Variants in RIMKLB observed in about 807,000 individuals in gnomAD.
RIMKLB encodes ribosomal modification protein rimK like family member B.
In RIMKLB, 7 loss-of-function variants were observed where a neutral mutation model predicts 32.0. That is an observed-to-expected ratio of 0.22 (90% CI 0.12 to 0.41). The LOEUF is 0.41. RIMKLB is among the 10% of genes least tolerant of loss of function. The pLI is 1.00. For synonymous variants in RIMKLB, 172 were observed against 185.1 expected (o/e 0.93, Z 0.57); for missense variants, 289 against 498.7 (o/e 0.58, Z 4.00).
the RIMKLB span, among the ~76,000 whole-genome samples, chr12:8,676,382 C>CTT: frequency 0.023 from 848 of 37,394 alleles, 133 homozygotes; most frequent in Non-Finnish European, 0.027. Flanking sequence ...CCCCCAACAG[C>CTT]TTTTTTTTTT....
intron 1 of RIMKLB, among the ~76,000 whole-genome samples, chr12:8,709,488 A>G (rs894229130): frequency 3.3e-5 from 5 of 152,254 alleles, no homozygotes; most frequent in African/African-American, 7.2e-5. Flanking sequence ...TGGAGCCTCT[A>G]CCTTTGGGAT....
intron 2 of RIMKLB, among the ~76,000 whole-genome samples, chr12:8,718,814 T>C (rs1945152477): frequency 6.6e-6 from 1 of 152,110 alleles, no homozygotes; most frequent in Non-Finnish European, 1.5e-5. Context: ...CTTTGCCCCA[T>C]TTTGAACATC....
At chr12:8,704,629 C>T (rs1170710578) in intron 1 of RIMKLB, among the ~76,000 whole-genome samples, 1 of 152,154 alleles carries the variant, frequency 6.6e-6, no homozygotes, top group East Asian at 1.9e-4. Context: ...CAAATGTTAG[C>T]ACGTCTGTTA....
chr12:8,779,349 CTGT>C (rs986307291), downstream of RIMKLB: 3 of 152,176 alleles, frequency 2.0e-5, no homozygotes, highest in Admixed American at 6.5e-5. Context: ...GTGGGGTGAA[CTGT>C]TGTTGTTTTA....
Position 8,753,950 on chromosome 12 carries a change from G to T in RIMKLB, c.554G>T (p.Arg185Leu). 3 of 1,613,786 alleles carry T rather than the reference G, an allele frequency of 1.9e-6. No homozygotes were observed. The highest frequency in any genetic ancestry group is 2.5e-6 in the Non-Finnish European group (3 of 1,179,818). Residue 185 changes from arginine to leucine, a missense_variant, in exon 5 of 6, where the codon CGC becomes CTC. Transcript: ENST00000535829. ...HHLADLSHLI[R>L]HEAPYLFQKY... ...TTGGCTGATCTAAGCCATCTTATTC[G>T]CCATGAAGCGCCATACCTGTTCCAG...
chr12:8,698,896 A>G (rs1051146804), intron 1 of RIMKLB, among the ~76,000 whole-genome samples: 2 of 151,902 alleles, frequency 1.3e-5, no homozygotes, highest in Non-Finnish European at 2.9e-5. Flanking sequence ...TTGCTTGTCC[A>G]GTTTTGATTC....
At position 8,775,058 on chromosome 12, in the gene RIMKLB, G is replaced by T. The variant is rs931039518; in HGVS notation, c.*1274G>T. ...AGAGGTATTCACCTTAAAACATAGG[G>T]TGAGTAGATGCTTTTTTAGGCCTTT... On this transcript the variant is annotated 3_prime_UTR_variant, in exon 6 of 6. Coordinates refer to ENST00000535829, the MANE Select transcript of RIMKLB (RefSeq NM_001297776.2). 2.0e-6 allele frequency: 2 copies of T among 985,626 alleles called. No individual in the cohort carries two copies. Among genetic ancestry groups the T allele is most frequent in the Admixed American group, 6.2e-5 (1 of 16,252 alleles). The allele number at this position is 985,626 out of a possible 1,614,324, so 61.1% of individuals were successfully genotyped here.
chr12:8,674,919 A>G, the RIMKLB span, among the ~76,000 whole-genome samples: 32 of 143,154 alleles, frequency 2.2e-4, 1 homozygote, highest in Middle Eastern at 3.5e-3. Context: ...GCTGGAGTGC[A>G]ATGGCACGAT....
chr12:8,778,794 G>A (rs1384578239), downstream of RIMKLB, among the ~76,000 whole-genome samples: 1 of 152,168 alleles, frequency 6.6e-6, no homozygotes, highest in Non-Finnish European at 1.5e-5. Flanking sequence ...ATAGACTTCT[G>A]CATAATTTCA....
intron 1 of RIMKLB, among the ~76,000 whole-genome samples, chr12:8,711,390 G>A (rs75270880): frequency 0.021 from 3,165 of 151,988 alleles, 105 homozygotes; most frequent in African/African-American, 0.072. Context: ...CTGAAACCAT[G>A]TCTCAGAAAG....
chr12:8,699,496 T>A (rs1943196368), intron 1 of RIMKLB, among the ~76,000 whole-genome samples: 1 of 152,214 alleles, frequency 6.6e-6, no homozygotes. Flanking sequence ...TCTCAGAGAT[T>A]TAACATTTAT....
At chr12:8,754,199 CG>C in intron 5 of RIMKLB, 106 bp downstream of exon 5, 1 of 789,916 alleles carries the variant, frequency 1.3e-6, no homozygotes, top group Non-Finnish European at 2.1e-6. Context: ...AGTTGAAAAA[CG>C]TATTTCCTTT....
chr12:8,765,052 C>T (rs1033353179), intron 5 of RIMKLB, among the ~76,000 whole-genome samples: 1 of 151,382 alleles, frequency 6.6e-6, no homozygotes, highest in Non-Finnish European at 1.5e-5. Flanking sequence ...GCCTAAGGCA[C>T]ACTTCTGAAG....
At chr12:8,692,124 ACTT>A (rs1274807918) in intron 1 of RIMKLB, among the ~76,000 whole-genome samples, 1 of 151,784 alleles carries the variant, frequency 6.6e-6, no homozygotes, top group African/African-American at 2.4e-5. Flanking sequence ...AGGTTGTTAT[ACTT>A]CTAAGATCCT....
In RIMKLB at chr12:8,777,091, C is replaced by G; in HGVS notation, c.*3307C>G. 1.1e-5 allele frequency: 11 copies of G among 985,742 alleles called. No individual in the cohort carries two copies. Among genetic ancestry groups the G allele is most frequent in the Non-Finnish European group, 1.3e-5 (11 of 830,012 alleles). The allele number at this position is 985,742 out of a possible 1,614,324, so 61.1% of individuals were successfully genotyped here. A position where few individuals can be genotyped will look rare whatever the true frequency, so the allele number is the denominator to read the frequency against. ...GTGCTCAGACAGGTAACCACTGCTG[C>G]TACTGTTTTTATTTGTTTGTTTGTT... On this transcript the variant is annotated 3_prime_UTR_variant, in exon 6 of 6. Transcript: ENST00000535829.
chr12:8,703,639 C>T (rs1042111693), intron 1 of RIMKLB, among the ~76,000 whole-genome samples: 1 of 152,120 alleles, frequency 6.6e-6, no homozygotes, highest in Non-Finnish European at 1.5e-5. Flanking sequence ...AGGCTGGTCT[C>T]AAACTCCTGG....
At chr12:8,685,366 G>C (rs1472583427) in intron 1 of RIMKLB, among the ~76,000 whole-genome samples, 1 of 152,122 alleles carries the variant, frequency 6.6e-6, no homozygotes, top group Non-Finnish European at 1.5e-5. Context: ...AATGCTGAGA[G>C]GTTTCTTTGT....
At chr12:8,693,030 T>C (rs1314113442), upstream of RIMKLB, among the ~76,000 whole-genome samples, 1 of 152,248 alleles carries the variant, frequency 6.6e-6, no homozygotes, top group Non-Finnish European at 1.5e-5. Context: ...TACAATTCTC[T>C]TTACTACTTC....
intron 5 of RIMKLB, among the ~76,000 whole-genome samples, chr12:8,763,562 C>T (rs745740089): frequency 3.9e-5 from 6 of 152,320 alleles, no homozygotes; most frequent in Non-Finnish European, 8.8e-5. Flanking sequence ...AGGCTGGATA[C>T]GTTCCTCGCT....
Sources: gnomAD v4.1 joint callset for allele counts (sites outside exome capture counted in the v4.1 genomes callset) on GRCh38, gnomAD v4.1.1 for gene constraint, MANE v1.5 for transcripts, NCBI Gene and HGNC (gene_info 2026-07-23, HGNC 2026-07-21) for gene names.